The following PTPN2 variants were observed in gnomAD, a reference collection of about 807,000 sequenced individuals.
The protein encoded by PTPN2 is protein tyrosine phosphatase non-receptor type 2.
A neutral mutation model predicts 57.3 loss-of-function variants in PTPN2; 19 were observed. The observed-to-expected ratio is 0.33, with a 90% confidence interval of 0.23 to 0.49. The LOEUF is 0.49. Among genes scored for constraint, PTPN2 ranks in the 20% least tolerant of loss-of-function variants. The pLI, the probability that PTPN2 is intolerant of heterozygous loss-of-function variation, is 0.99. For synonymous variants in PTPN2, 153 were observed against 164.9 expected, an observed-to-expected ratio of 0.93 and a Z score of 0.55; for missense variants, 358 against 501.1, an observed-to-expected ratio of 0.71 and a Z score of 2.73.
rs1568168990 is a variant in PTPN2 at position 12,870,363 on chromosome 18, G to GTATATATATACATATATA, written c.70-11110_70-11109insTATATATGTATATATATA. 8.0e-4 allele frequency among the ~76,000 whole-genome samples: 22 copies of GTATATATATACATATATA among 27,340 alleles called. 6 individuals carry two copies. The highest frequency in any genetic ancestry group is 4.8e-3 in the African/African-American group (20 of 4,160). The allele number at this position is 27,340 out of a possible 152,430, so 17.9% of individuals were successfully genotyped here. A position where few individuals can be genotyped will look rare whatever the true frequency, so the allele number is the denominator to read the frequency against. ...TATACATATATATGTGTATATATAT[G>GTATATATATACATATATA]TGTATATATACATATATATACGTAT... On this transcript the variant is annotated intron_variant, in intron 1 of 8. Coordinates refer to ENST00000309660, the MANE Select transcript of PTPN2 (RefSeq NM_002828.4).
chr18:12,827,033 A>G (rs2042491165), intron 4 of PTPN2, among the ~76,000 whole-genome samples: 1 of 152,188 alleles, frequency 6.6e-6, no homozygotes, highest in African/African-American at 2.4e-5. Flanking sequence ...AACTCTTGCA[A>G]TAATTTTATC....
intron 2 of PTPN2, chr18:12,840,639 G>A: frequency 6.6e-7 from 1 of 1,514,450 alleles, no homozygotes; most frequent in South Asian, 1.2e-5. Context: ...GTCACTCAGG[G>A]AAGTCAAGTC....
chr18:12,852,366 A>T (rs530931413), intron 2 of PTPN2, among the ~76,000 whole-genome samples: 1 of 152,228 alleles, frequency 6.6e-6, no homozygotes, highest in Non-Finnish European at 1.5e-5. Flanking sequence ...AGTCTCTAAT[A>T]GTATAAAGAC....
rs888890934 is a variant in PTPN2 at position 12,876,251 on chromosome 18, G to A, written c.69+7822C>T. ...CAAGGTGAGCAGACCACTTGAGGCC[G>A]GGAGTTCAAGACCAGACCAGCCTGG... On this transcript the variant is annotated intron_variant, in intron 1 of 8. Coordinates refer to ENST00000309660, the MANE Select transcript of PTPN2 (RefSeq NM_002828.4). Among the ~76,000 whole-genome samples, 3 of 144,406 alleles carry A rather than the reference G, an allele frequency of 2.1e-5. No homozygotes were observed. In the Admixed American group the frequency reaches 2.1e-4, roughly 10 times the overall value. The allele number at this position is 144,406 out of a possible 152,430, so 94.7% of individuals were successfully genotyped here.
intron 2 of PTPN2, among the ~76,000 whole-genome samples, chr18:12,858,221 C>A (rs1318562756): frequency 6.6e-6 from 1 of 152,128 alleles, no homozygotes; most frequent in Non-Finnish European, 1.5e-5. Flanking sequence ...CAAGCAAAAA[C>A]CAGAATGTGA....
At chr18:12,786,160 C>T (rs2040839108) in intron 9 of PTPN2, 7 of 358,442 alleles carry the variant, frequency 2.0e-5, no homozygotes, top group African/African-American at 1.1e-4. Flanking sequence ...TGTGTGATAC[C>T]GACAGACAGA....
intron 2 of PTPN2, among the ~76,000 whole-genome samples, chr18:12,840,381 C>T (rs1343869762): frequency 6.6e-6 from 1 of 152,188 alleles, no homozygotes; most frequent in African/African-American, 2.4e-5. Context: ...CCATATACTC[C>T]CCCATATTAA....
chr18:12,881,499 T>C (rs113750514), intron 1 of PTPN2, among the ~76,000 whole-genome samples: 11 of 152,190 alleles, frequency 7.2e-5, no homozygotes, highest in Non-Finnish European at 1.3e-4. Context: ...TGAGTTCCTA[T>C]TAAACAGCTC....
chr18:12,859,561 C>G (rs1183715460), intron 1 of PTPN2, among the ~76,000 whole-genome samples: 1 of 152,178 alleles, frequency 6.6e-6, no homozygotes, highest in African/African-American at 2.4e-5. Context: ...TGCTCTAGAT[C>G]TGTTTACTTA....
chr18:12,872,992 G>A (rs2044320486), intron 1 of PTPN2, among the ~76,000 whole-genome samples: 1 of 152,186 alleles, frequency 6.6e-6, no homozygotes, highest in Non-Finnish European at 1.5e-5. Flanking sequence ...AGGCCAAGGT[G>A]GGTGGATCAC....
At chr18:12,817,054 C>T in intron 6 of PTPN2, 102 bp downstream of exon 6, 1 of 1,139,006 alleles carries the variant, frequency 8.8e-7, no homozygotes, top group Non-Finnish European at 1.3e-6. Context: ...AGTTGAAAAA[C>T]CTCAGTTCTG....
rs1172391612 is a variant in PTPN2 at position 12,884,159 on chromosome 18, GGCGCGAGCAGAGCCT to G, written c.-33_-19del. ...GTGGGCATGGCTGCGGGAGCGAGCT[GGCGCGAGCAGAGCCT>G]GCGCCGGCGGAGAGGCTCAGGCCCC... On this transcript the variant is annotated 5_prime_UTR_variant, in exon 1 of 9. Coordinates refer to ENST00000309660, the MANE Select transcript of PTPN2 (RefSeq NM_002828.4). The G allele has an allele frequency of 5.1e-6, 8 of 1,570,628 alleles. No homozygotes were observed. Among genetic ancestry groups the G allele is most frequent in the Non-Finnish European group, 6.0e-6 (7 of 1,160,474 alleles).
chr18:12,824,400 C>T (rs1036692966), intron 5 of PTPN2, among the ~76,000 whole-genome samples: 2 of 152,136 alleles, frequency 1.3e-5, no homozygotes, highest in African/African-American at 4.8e-5. Flanking sequence ...TTCAAGGGAT[C>T]CACCATAAAA....
At position 12,883,908 on chromosome 18, in the gene PTPN2, G is replaced by A. The variant is rs374111299; in HGVS notation, c.69+165C>T. 861 of 490,250 alleles carry A rather than the reference G, an allele frequency of 1.8e-3. 4 individuals carry two copies. The highest frequency in any genetic ancestry group is 0.017 in the African/African-American group (776 of 46,898). 30.4% of individuals were successfully genotyped at this position (490,250 alleles called of 1,614,324 possible). The stretch of plus-strand genomic sequence containing the variant: ...TTTTTTTAAACCAAAAGGAGCAAGA[G>A]AGCGGTCAGCGCAGGCGCGCCCCTG... On this transcript the variant is annotated intron_variant, in intron 1 of 8. Coordinates refer to ENST00000309660, the MANE Select transcript of PTPN2 (RefSeq NM_002828.4).
intron 2 of PTPN2, among the ~76,000 whole-genome samples, chr18:12,847,969 A>T (rs2043270641): frequency 6.6e-6 from 1 of 152,110 alleles, no homozygotes; most frequent in Non-Finnish European, 1.5e-5. Flanking sequence ...TGAGTGAGAA[A>T]ATCTTTTAGT....
chr18:12,804,737 T>C (rs2847303), intron 7 of PTPN2, among the ~76,000 whole-genome samples: 68,642 of 151,956 alleles, frequency 0.45, 17,663 homozygotes, highest in Non-Finnish European at 0.57. Flanking sequence ...AAATCAGTAA[T>C]AAAAAGTCTC....
chr18:12,832,992 T>C (rs985753940), intron 3 of PTPN2, among the ~76,000 whole-genome samples: 1 of 152,168 alleles, frequency 6.6e-6, no homozygotes, highest in Non-Finnish European at 1.5e-5. Context: ...TTTTACCATG[T>C]TGGCCAGGCT....
intron 1 of PTPN2, among the ~76,000 whole-genome samples, chr18:12,871,972 C>T (rs1440745882): frequency 6.6e-6 from 1 of 151,616 alleles, no homozygotes; most frequent in Non-Finnish European, 1.5e-5. Flanking sequence ...CGCTTGAACT[C>T]AGCATGCAGA....
At chr18:12,853,719 C>T (rs995428448) in intron 2 of PTPN2, among the ~76,000 whole-genome samples, 33 of 152,064 alleles carry the variant, frequency 2.2e-4, no homozygotes, top group African/African-American at 7.7e-4. Flanking sequence ...AAACCAGTCA[C>T]GCTAGAAGAA....
Sources: gnomAD v4.1 joint callset for allele counts (sites outside exome capture counted in the v4.1 genomes callset) on GRCh38, gnomAD v4.1.1 for gene constraint, MANE v1.5 for transcripts, NCBI Gene and HGNC (gene_info 2026-07-23, HGNC 2026-07-21) for gene names.